EPHB1: variants seen among roughly 807,000 people sequenced by gnomAD.
The protein encoded by EPHB1 is EPH receptor B1, also known as ephrin type-B receptor 1.
A neutral mutation model predicts 94.4 loss-of-function variants in EPHB1; 30 were observed. That is an observed-to-expected ratio of 0.32 (90% CI 0.24 to 0.43). The LOEUF (loss-of-function observed/expected upper bound fraction) is 0.43. Ranked by LOEUF, EPHB1 falls within the 20% of genes least tolerant of loss-of-function variation. The probability of loss-of-function intolerance (pLI) is 1.00; values close to 1 mark genes in which losing one functional copy is unlikely to be tolerated. For missense variants in EPHB1, 1,055 were observed against 1,308.3 expected (o/e 0.81, Z 2.99); for synonymous variants, 522 against 489.1 (o/e 1.07, Z -0.89).
At chr3:135,246,529 T>TGAA (rs1163766066) in intron 13 of EPHB1, among the ~76,000 whole-genome samples, 7 of 152,216 alleles carry the variant, frequency 4.6e-5, no homozygotes, top group African/African-American at 1.7e-4. Context: ...ATACGGCTTT[T>TGAA]GAAGTATTCA....
At chr3:135,040,470 C>T (rs1240620801) in intron 3 of EPHB1, among the ~76,000 whole-genome samples, 1 of 152,226 alleles carries the variant, frequency 6.6e-6, no homozygotes, top group African/African-American at 2.4e-5. Flanking sequence ...CATGCAGAGA[C>T]ACAGAGCCCT....
chr3:134,868,110 G>A (rs776958023), intron 1 of EPHB1, among the ~76,000 whole-genome samples: 6 of 152,192 alleles, frequency 3.9e-5, no homozygotes, highest in Non-Finnish European at 7.3e-5. Context: ...TTCTACTTAA[G>A]TGCTTATCTT....
chr3:135,053,021 G>A lies in EPHB1; in HGVS notation c.806-53427G>A, dbSNP rs1312254310. Among the ~76,000 whole-genome samples the A allele has an allele frequency of 3.8e-3, 258 of 68,670 alleles. 4 individuals are homozygous for A. Among genetic ancestry groups the A allele is most frequent in the African/African-American group, 0.016 (215 of 13,310 alleles). The allele number at this position is 68,670 out of a possible 152,430, so 45.1% of individuals were successfully genotyped here. On this transcript the variant is annotated intron_variant, in intron 3 of 15. Transcript: ENST00000398015. Reference sequence around the variant, plus strand: ...TATGTGTGTGTATATATATGTGTGTGTGTGTGTATATATATATATATATAT... The same window carrying A: ...TATGTGTGTGTATATATATGTGTGTATGTGTGTATATATATATATATATAT...
chr3:135,134,007 C>G (rs776647892), intron 5 of EPHB1, among the ~76,000 whole-genome samples: 1 of 152,184 alleles, frequency 6.6e-6, no homozygotes, highest in Non-Finnish European at 1.5e-5. Flanking sequence ...GATATAGATA[C>G]AAAGCACAAA....
chr3:134,833,423 T>C (rs2036613190), intron 1 of EPHB1, among the ~76,000 whole-genome samples: 1 of 152,228 alleles, frequency 6.6e-6, no homozygotes, highest in Admixed American at 6.5e-5. Context: ...AATTTTCCCA[T>C]GGAAACAATG....
intron 10 of EPHB1, among the ~76,000 whole-genome samples, chr3:135,183,683 G>T (rs1559865765): frequency 6.6e-6 from 1 of 152,174 alleles, no homozygotes; most frequent in Non-Finnish European, 1.5e-5. Context: ...AGGACTCAGG[G>T]AAGAGGGAAC....
At chr3:134,850,106 G>C (rs567416063) in intron 1 of EPHB1, among the ~76,000 whole-genome samples, 2 of 152,282 alleles carry the variant, frequency 1.3e-5, no homozygotes, top group South Asian at 4.1e-4. Context: ...GGCTGCAGAC[G>C]AGCAGAGCTG....
At chr3:135,142,340 G>A (rs1442168226) in intron 5 of EPHB1, among the ~76,000 whole-genome samples, 7 of 152,158 alleles carry the variant, frequency 4.6e-5, no homozygotes, top group African/African-American at 1.2e-4. Context: ...TTCCTCTTAT[G>A]TGGCTTTCTC....
At chr3:134,821,681 C>A (rs914353208) in intron 1 of EPHB1, among the ~76,000 whole-genome samples, 4 of 152,292 alleles carry the variant, frequency 2.6e-5, no homozygotes, top group South Asian at 2.1e-4. Context: ...CGATGAAGGG[C>A]AGAAGCCTGG....
intron 5 of EPHB1, among the ~76,000 whole-genome samples, chr3:135,137,236 A>G (rs1282850760): frequency 2.6e-5 from 4 of 152,208 alleles, no homozygotes; most frequent in African/African-American, 9.6e-5. Context: ...AGCCAGGTAC[A>G]AGGCAATAGA....
At chr3:135,223,986 T>C (rs4321550) in intron 12 of EPHB1, among the ~76,000 whole-genome samples, 99,780 of 152,074 alleles carry the variant, frequency 0.66, 33,924 homozygotes, top group Middle Eastern at 0.77. Flanking sequence ...CAGCGACAAA[T>C]CACATATACA....
intron 9 of EPHB1, among the ~76,000 whole-genome samples, chr3:135,171,986 GAT>G (rs1350466805): frequency 2.6e-5 from 4 of 152,190 alleles, no homozygotes; most frequent in Admixed American, 2.0e-4. Flanking sequence ...CAGAAAAGGT[GAT>G]ATATAAACAG....
intron 4 of EPHB1, among the ~76,000 whole-genome samples, chr3:135,125,700 T>A (rs1559841762): frequency 6.6e-6 from 1 of 152,238 alleles, no homozygotes; most frequent in Non-Finnish European, 1.5e-5. Context: ...TTGATAATGG[T>A]CTACATCCCT....
chr3:135,098,831 G>A (rs974045004), intron 3 of EPHB1, among the ~76,000 whole-genome samples: 1 of 151,922 alleles, frequency 6.6e-6, no homozygotes, highest in Non-Finnish European at 1.5e-5. Flanking sequence ...GGCCAACACG[G>A]TAAAACCCCG....
chr3:134,809,810 T>C (rs2036134250), intron 1 of EPHB1, among the ~76,000 whole-genome samples: 1 of 152,232 alleles, frequency 6.6e-6, no homozygotes, highest in African/African-American at 2.4e-5. Flanking sequence ...CAGTGGTTCC[T>C]GAAAGCTGCC....
At chr3:135,060,739 G>T (rs1016844329) in intron 3 of EPHB1, among the ~76,000 whole-genome samples, 3 of 152,130 alleles carry the variant, frequency 2.0e-5, no homozygotes, top group Admixed American at 6.5e-5. Flanking sequence ...ATACCATGGA[G>T]AATGGGGTAT....
chr3:134,905,283 C>G (rs2038294918), intron 1 of EPHB1, among the ~76,000 whole-genome samples: 1 of 152,228 alleles, frequency 6.6e-6, no homozygotes, highest in South Asian at 2.1e-4. Flanking sequence ...CCAGGAGCCT[C>G]TCTCTGAAGC....
At chr3:135,180,066 G>C in intron 10 of EPHB1, 84 bp downstream of exon 10, 3 of 1,526,398 alleles carry the variant, frequency 2.0e-6, no homozygotes, top group Admixed American at 3.6e-5. Flanking sequence ...CTTTCAGTAT[G>C]AAAAGCCCCA....
intron 3 of EPHB1, among the ~76,000 whole-genome samples, chr3:135,092,610 C>T (rs1938597241): frequency 7.1e-6 from 1 of 141,400 alleles, no homozygotes; most frequent in African/African-American, 2.5e-5. Context: ...ACTTTCCCTC[C>T]CTCCCTCCCT....
Sources: allele counts gnomAD v4.1 joint callset (sites outside exome capture counted in the v4.1 genomes callset), GRCh38; gene constraint gnomAD v4.1.1; transcripts MANE v1.5; gene names NCBI Gene and HGNC (gene_info 2026-07-23, HGNC 2026-07-21).